Variants in SEMA3D observed in about 807,000 individuals in gnomAD.
The protein encoded by SEMA3D is semaphorin 3D.
Under a neutral mutation model 100.1 loss-of-function variants are expected in SEMA3D, and 84 were observed. The observed-to-expected ratio is 0.84, with a 90% confidence interval of 0.70 to 1.01. The LOEUF (loss-of-function observed/expected upper bound fraction) is 1.01, where lower values mean the gene tolerates loss of function less well. Among genes scored for constraint, SEMA3D ranks in the 50% least tolerant of loss-of-function variants. The pLI, the probability that SEMA3D is intolerant of heterozygous loss-of-function variation, is 0.00. For missense variants in SEMA3D, 875 were observed against 934.1 expected (o/e 0.94, Z 0.82); for synonymous variants, 312 against 320.7 (o/e 0.97, Z 0.29).
chr7:85,170,816 A>G (rs1311303845), intron 1 of SEMA3D, among the ~76,000 whole-genome samples: 2 of 152,068 alleles, frequency 1.3e-5, no homozygotes, highest in Admixed American at 1.3e-4. Context: ...TCAAATTCCA[A>G]GTCCTAGCAT....
At chr7:85,036,147 T>C (rs528716752) in intron 12 of SEMA3D, among the ~76,000 whole-genome samples, 5 of 152,232 alleles carry the variant, frequency 3.3e-5, no homozygotes, top group Admixed American at 6.5e-5. Context: ...TTTTCCTCTT[T>C]AATATTAGGT....
rs141335600 is a variant in SEMA3D at position 85,144,644 on chromosome 7, C to T, written c.-41+8964G>A. 3,106 of 984,942 alleles carry T rather than the reference C, an allele frequency of 3.2e-3. 71 individuals are homozygous for T. The African/African-American group carries it at 0.048, about 15-fold the overall frequency. 61.0% of individuals were successfully genotyped at this position (984,942 alleles called of 1,614,324 possible). On this transcript the variant is annotated intron_variant, in intron 2 of 18. Transcript: ENST00000284136. ...ATACATTTTTTCCTTTGGGAACTGG[C>T]CTGCAATATCCAACATTTAAGTCAG...
At chr7:85,216,304 A>C in the SEMA3D span, among the ~76,000 whole-genome samples, 1 of 151,812 alleles carries the variant, frequency 6.6e-6, no homozygotes, top group Non-Finnish European at 1.5e-5. Flanking sequence ...AGTAAAAATA[A>C]TTTTACATGA....
chr7:85,035,002 A>G (rs893964003), intron 12 of SEMA3D, among the ~76,000 whole-genome samples: 2 of 152,062 alleles, frequency 1.3e-5, no homozygotes, highest in African/African-American at 4.8e-5. Flanking sequence ...TAAGATATCA[A>G]AGATATATGA....
chr7:85,130,710 A>G (rs994255118), intron 2 of SEMA3D, among the ~76,000 whole-genome samples: 2 of 152,186 alleles, frequency 1.3e-5, no homozygotes, highest in Non-Finnish European at 2.9e-5. Flanking sequence ...TAAGTTTTAT[A>G]AATAAATTGA....
At chr7:85,135,447 C>G (rs1374603509) in intron 2 of SEMA3D, among the ~76,000 whole-genome samples, 3 of 151,286 alleles carry the variant, frequency 2.0e-5, no homozygotes, top group Non-Finnish European at 4.4e-5. Context: ...TAGGTGGGAA[C>G]TGAACAATGA....
chr7:85,139,890 T>C (rs556917535), intron 2 of SEMA3D: 1 of 152,318 alleles, frequency 6.6e-6, no homozygotes, highest in Admixed American at 6.6e-5. Flanking sequence ...TACAGTGCTG[T>C]TGCAGAATAA....
chr7:85,240,634 C>CTTTAAAAGTTGTTAATTAT, the SEMA3D span, among the ~76,000 whole-genome samples: 5 of 152,214 alleles, frequency 3.3e-5, no homozygotes, highest in East Asian at 9.7e-4. Flanking sequence ...TGTTTCCTCT[C>CTTTAAAAGTTGTTAATTAT]TTTAAAAGTT....
chr7:85,152,908 C>T (rs1455149050), intron 2 of SEMA3D, among the ~76,000 whole-genome samples: 3 of 152,108 alleles, frequency 2.0e-5, no homozygotes, highest in South Asian at 2.1e-4. Context: ...GCCTAAGGAA[C>T]TGGGACACTG....
the SEMA3D span, among the ~76,000 whole-genome samples, chr7:85,234,031 G>A: frequency 3.3e-5 from 5 of 152,300 alleles, no homozygotes; most frequent in African/African-American, 1.2e-4. Context: ...GTTTGATAAT[G>A]TTAGAGAATG....
chr7:85,082,196 C>T (rs931732851), intron 4 of SEMA3D, among the ~76,000 whole-genome samples: 3 of 152,144 alleles, frequency 2.0e-5, no homozygotes, highest in East Asian at 1.9e-4. Context: ...CTTTAAATAA[C>T]GTGTTGAGGA....
At chr7:85,185,634 G>A (rs1249892194) in intron 1 of SEMA3D, among the ~76,000 whole-genome samples, 3 of 152,174 alleles carry the variant, frequency 2.0e-5, no homozygotes, top group Non-Finnish European at 4.4e-5. Context: ...CTCTCTTCCA[G>A]TCCCCTGGAT....
the SEMA3D span, among the ~76,000 whole-genome samples, chr7:85,211,199 C>A: frequency 6.6e-6 from 1 of 151,888 alleles, no homozygotes; most frequent in Non-Finnish European, 1.5e-5. Context: ...ATAAGGTAAA[C>A]GGGTTCCCAA....
chr7:85,097,319 A>C (rs1788589258), intron 4 of SEMA3D, among the ~76,000 whole-genome samples: 1 of 151,788 alleles, frequency 6.6e-6, no homozygotes, highest in African/African-American at 2.4e-5. Context: ...CTTGTAGGAG[A>C]AACCTGTTCA....
At chr7:85,077,947 T>C (rs1217337228) in intron 5 of SEMA3D, among the ~76,000 whole-genome samples, 1 of 152,110 alleles carries the variant, frequency 6.6e-6, no homozygotes, top group Non-Finnish European at 1.5e-5. Context: ...CTTCTAACAA[T>C]AGGGGATTGA....
At chr7:85,235,245 A>C in the SEMA3D span, among the ~76,000 whole-genome samples, 295 of 152,312 alleles carry the variant, frequency 1.9e-3, 2 homozygotes, top group African/African-American at 6.7e-3. Context: ...TTCTCTTCCA[A>C]ATTTTCTTAT....
chr7:85,005,127 T>C (rs1444093763), intron 18 of SEMA3D, among the ~76,000 whole-genome samples: 1 of 151,964 alleles, frequency 6.6e-6, no homozygotes, highest in Non-Finnish European at 1.5e-5. Context: ...TATTAAAGAA[T>C]TATATTTAAC....
At chr7:85,168,129 T>C (rs910965257) in intron 1 of SEMA3D, among the ~76,000 whole-genome samples, 1 of 151,842 alleles carries the variant, frequency 6.6e-6, no homozygotes, top group Non-Finnish European at 1.5e-5. Flanking sequence ...AATAGATTAA[T>C]CAACCTGTGG....
intron 4 of SEMA3D, among the ~76,000 whole-genome samples, chr7:85,086,631 CGT>C (rs58818289): frequency 0.06 from 8,385 of 140,052 alleles, 449 homozygotes; most frequent in African/African-American, 0.15. Flanking sequence ...TCTCTCTCTC[CGT>C]GTGTGTGTGT....
Sources: gnomAD v4.1 joint callset for allele counts (sites outside exome capture counted in the v4.1 genomes callset) on GRCh38, gnomAD v4.1.1 for gene constraint, MANE v1.5 for transcripts, NCBI Gene and HGNC (gene_info 2026-07-23, HGNC 2026-07-21) for gene names.